Variants in TRPC4 observed in about 807,000 individuals in gnomAD.
TRPC4 encodes the protein short transient receptor potential channel 4.
A neutral mutation model predicts 99.4 loss-of-function variants in TRPC4; 49 were observed. The ratio of observed to expected loss-of-function variants is 0.49; its 90% CI spans 0.39 to 0.63. The LOEUF is 0.63. Ranked by LOEUF, TRPC4 falls within the 20% of genes least tolerant of loss-of-function variation. The pLI, the probability that TRPC4 is intolerant of heterozygous loss-of-function variation, is 0.00. For synonymous variants in TRPC4, 454 were observed against 425.9 expected (o/e 1.07, Z -0.81); for missense variants, 898 against 1,152.9 (o/e 0.78, Z 3.20).
At position 37,746,174 on chromosome 13, in the gene TRPC4, G is replaced by T; in HGVS notation, c.660C>A (p.Ala220=). Residue 220 remains alanine, a synonymous_variant, in exon 3 of 11, where the codon GCC becomes GCA. Transcript: ENST00000379705. ...ALSSEDPFLT[A]FQLSWELQEL... ...CCTGAAGTTCCCAACTTAACTGAAAGGCTGTGAGAAAAGGATCTTCGCTTG... is the reference window on the plus strand; with the variant it reads ...CCTGAAGTTCCCAACTTAACTGAAATGCTGTGAGAAAAGGATCTTCGCTTG... 6.2e-7 allele frequency: 1 copy of T among 1,613,854 alleles called. No individual in the cohort carries two copies. The highest frequency in any genetic ancestry group is 8.5e-7 in the Non-Finnish European group (1 of 1,179,870).
chr13:37,649,682 C>T (rs900194303), intron 8 of TRPC4, among the ~76,000 whole-genome samples: 1 of 125,352 alleles, frequency 8.0e-6, no homozygotes, highest in Non-Finnish European at 1.6e-5. Flanking sequence ...TGCAGAGTCG[C>T]GATCATGCCA....
At chr13:37,755,665 G>A (rs1214298248) in intron 2 of TRPC4, among the ~76,000 whole-genome samples, 1 of 151,978 alleles carries the variant, frequency 6.6e-6, no homozygotes, top group Admixed American at 6.6e-5. Context: ...GCCTCCCAAT[G>A]TGCTGGGATT....
intron 1 of TRPC4, among the ~76,000 whole-genome samples, chr13:37,793,296 T>A (rs907406648): frequency 4.6e-5 from 7 of 152,152 alleles, no homozygotes; most frequent in Non-Finnish European, 8.8e-5. Flanking sequence ...ATTCTTTTTT[T>A]AAATTATACT....
At chr13:37,751,623 A>G (rs1955936095) in intron 2 of TRPC4, among the ~76,000 whole-genome samples, 1 of 152,132 alleles carries the variant, frequency 6.6e-6, no homozygotes, top group Admixed American at 6.6e-5. Flanking sequence ...CAACAGCTTC[A>G]GGCAATTCCC....
At chr13:37,646,317 G>A (rs1352273668) in intron 8 of TRPC4, among the ~76,000 whole-genome samples, 2 of 151,942 alleles carry the variant, frequency 1.3e-5, no homozygotes, top group African/African-American at 2.4e-5. Flanking sequence ...ATAAAACTAA[G>A]GAAGTTAAAA....
At chr13:37,805,046 C>T (rs1182865370) in intron 1 of TRPC4, among the ~76,000 whole-genome samples, 1 of 151,886 alleles carries the variant, frequency 6.6e-6, no homozygotes, top group Non-Finnish European at 1.5e-5. Flanking sequence ...TGTCATAAAT[C>T]GGTGATAAAA....
chr13:37,818,256 A>C (rs1457254708), intron 1 of TRPC4, among the ~76,000 whole-genome samples: 2 of 152,158 alleles, frequency 1.3e-5, no homozygotes, highest in African/African-American at 4.8e-5. Flanking sequence ...ATGAGATACC[A>C]TCTCACACCA....
At chr13:37,687,666 A>C (rs1459336481) in intron 4 of TRPC4, among the ~76,000 whole-genome samples, 1 of 152,194 alleles carries the variant, frequency 6.6e-6, no homozygotes, top group East Asian at 1.9e-4. Context: ...GCATATTCCC[A>C]GTATATTAAA....
At chr13:37,663,015 T>C (rs912305540) in intron 6 of TRPC4, among the ~76,000 whole-genome samples, 7 of 152,218 alleles carry the variant, frequency 4.6e-5, no homozygotes, top group African/African-American at 1.7e-4. Flanking sequence ...CTTTAGTACC[T>C]GGAAAACACA....
chr13:37,659,658 A>G (rs9576332), intron 6 of TRPC4, among the ~76,000 whole-genome samples: 56,639 of 151,856 alleles, frequency 0.37, 11,019 homozygotes, highest in African/African-American at 0.44. Context: ...CAGGAAGCAA[A>G]ATGGAAGACA....
intron 1 of TRPC4, among the ~76,000 whole-genome samples, chr13:37,842,991 G>T (rs763719864): frequency 8.7e-4 from 132 of 152,282 alleles, no homozygotes; most frequent in Middle Eastern, 3.4e-3. Context: ...TACCTGCTAA[G>T]GCTGATAAGA....
At chr13:37,800,409 T>C (rs1488411542) in intron 1 of TRPC4, among the ~76,000 whole-genome samples, 1 of 152,164 alleles carries the variant, frequency 6.6e-6, no homozygotes, top group Non-Finnish European at 1.5e-5. Context: ...TACATTTATT[T>C]TATAAAATTA....
At chr13:37,856,440 T>C (rs1178490677) in intron 1 of TRPC4, among the ~76,000 whole-genome samples, 1 of 148,984 alleles carries the variant, frequency 6.7e-6, no homozygotes, top group Admixed American at 6.7e-5. Context: ...TGTTGAATTC[T>C]ACCAAACATT....
At chr13:37,810,234 A>G (rs1435410743) in intron 1 of TRPC4, among the ~76,000 whole-genome samples, 1 of 152,094 alleles carries the variant, frequency 6.6e-6, no homozygotes, top group Non-Finnish European at 1.5e-5. Flanking sequence ...CTTTAAAAAC[A>G]TTTCATAAAT....
intron 4 of TRPC4, among the ~76,000 whole-genome samples, chr13:37,679,482 G>A (rs575925531): frequency 6.6e-6 from 1 of 152,194 alleles, no homozygotes; most frequent in East Asian, 1.9e-4. Context: ...ATAATAAAAT[G>A]TTGAATGAAA....
At chr13:37,644,637 G>A (rs998683228) in intron 8 of TRPC4, among the ~76,000 whole-genome samples, 14 of 152,080 alleles carry the variant, frequency 9.2e-5, no homozygotes, top group African/African-American at 3.1e-4. Flanking sequence ...CTGGGAGGCC[G>A]AAGAGGGTGG....
chr13:37,828,196 C>T lies in TRPC4; in HGVS notation c.-28+41399G>A, dbSNP rs539017358. On this transcript the variant is annotated intron_variant, in intron 1 of 10. Coordinates refer to ENST00000379705, the MANE Select transcript of TRPC4 (RefSeq NM_016179.4). ...CTGGCACTCCCTAGTGAGATGAACCCGGTACCTCAGATGGAAATGCAGAAA... is the reference window on the plus strand; with the variant it reads ...CTGGCACTCCCTAGTGAGATGAACCTGGTACCTCAGATGGAAATGCAGAAA... Among the ~76,000 whole-genome samples the T allele has an allele frequency of 5.3e-5, 8 of 152,276 alleles. No individual in the cohort carries two copies. The South Asian group carries it at 6.2e-4, about 12-fold the overall frequency.
At chr13:37,783,845 T>C (rs1377896105) in intron 1 of TRPC4, among the ~76,000 whole-genome samples, 1 of 152,062 alleles carries the variant, frequency 6.6e-6, no homozygotes, top group Non-Finnish European at 1.5e-5. Context: ...TAATTTGTCA[T>C]ATATTTGTTT....
chr13:37,744,378 C>A (rs952235082), intron 3 of TRPC4, among the ~76,000 whole-genome samples: 9 of 152,006 alleles, frequency 5.9e-5, no homozygotes, highest in Non-Finnish European at 1.0e-4. Flanking sequence ...ATCTCTGAGT[C>A]CAAAACATAA....
Sources: allele counts gnomAD v4.1 joint callset (sites outside exome capture counted in the v4.1 genomes callset), GRCh38; gene constraint gnomAD v4.1.1; transcripts MANE v1.5; gene names NCBI Gene and HGNC (gene_info 2026-07-23, HGNC 2026-07-21).